The following METTL8 variants were observed in gnomAD, a reference collection of about 807,000 sequenced individuals.
The protein encoded by METTL8 is tRNA N(3)-cytidine methyltransferase METTL8, mitochondrial.
Under a neutral mutation model 48.7 loss-of-function variants are expected in METTL8, and 32 were observed. That is an observed-to-expected ratio of 0.66 (90% CI 0.50 to 0.88). The LOEUF is 0.88. Among genes scored for constraint, METTL8 ranks in the 40% least tolerant of loss-of-function variants. The pLI is 0.00. For missense variants in METTL8, 464 were observed against 474.4 expected (o/e 0.98, Z 0.20); for synonymous variants, 136 against 157.1 (o/e 0.87, Z 1.01).
chr2:171,401,563 T>C (rs1689642712), intron 1 of METTL8, among the ~76,000 whole-genome samples: 1 of 152,132 alleles, frequency 6.6e-6, no homozygotes, highest in Non-Finnish European at 1.5e-5. Flanking sequence ...GGCTACATGA[T>C]ACACTCACTC....
chr2:171,419,571 C>T (rs1414710926), intron 1 of METTL8, among the ~76,000 whole-genome samples: 2 of 152,166 alleles, frequency 1.3e-5, no homozygotes, highest in Non-Finnish European at 2.9e-5. Context: ...TTATCAACTG[C>T]AGTATAGTGC....
chr2:171,387,031 G>A (rs1688121985), intron 2 of METTL8, among the ~76,000 whole-genome samples: 1 of 152,114 alleles, frequency 6.6e-6, no homozygotes, highest in Admixed American at 6.5e-5. Context: ...TCTGCTGAGA[G>A]CTACTTCCAC....
At chr2:171,352,435 T>C (rs901428476) in intron 3 of METTL8, among the ~76,000 whole-genome samples, 11 of 152,180 alleles carry the variant, frequency 7.2e-5, no homozygotes, top group African/African-American at 2.4e-4. Flanking sequence ...TTCTCTTTTT[T>C]TGTTGTGTCT....
Position 171,316,255 on chromosome 2 carries a change from C to A in METTL8, c.*7917G>T, listed in dbSNP as rs921136095. 6.6e-6 allele frequency among the ~76,000 whole-genome samples: 1 copy of A among 152,202 alleles called. No homozygotes were observed. Among genetic ancestry groups the A allele is most frequent in the Admixed American group, 6.5e-5 (1 of 15,282 alleles). On this transcript the variant is annotated 3_prime_UTR_variant, in exon 10 of 10. Transcript: ENST00000375258. ...CTCATGCCGGCATGGGGCTGCCGGG[C>A]ACCCAGCTCCTTTCCTGTGGGTAGA... is the stretch of plus-strand genomic sequence containing the variant.
chr2:171,417,623 C>A lies in METTL8; in HGVS notation c.-13+16260G>T, dbSNP rs114036238. Among the ~76,000 whole-genome samples, 548 of 152,294 alleles carry A rather than the reference C, an allele frequency of 3.6e-3. 1 individual carries two copies. Among genetic ancestry groups the A allele is most frequent in the Non-Finnish European group, 5.8e-3 (394 of 68,020 alleles). ...AGGCTGAGATCTGAACCCAGGCAGG[C>A]TGGTACGTGAGTTCATCTTCTTAAT... On this transcript the variant is annotated intron_variant, in intron 1 of 9. Coordinates refer to ENST00000375258, the MANE Select transcript of METTL8 (RefSeq NM_001321154.2).
intron 2 of METTL8, among the ~76,000 whole-genome samples, chr2:171,361,604 T>C (rs1685177820): frequency 1.3e-5 from 2 of 152,192 alleles, no homozygotes; most frequent in Non-Finnish European, 2.9e-5. Flanking sequence ...TTTAATCCTT[T>C]CAAAAATCCT....
chr2:171,409,697 G>A (rs1212633112), intron 1 of METTL8, among the ~76,000 whole-genome samples: 3 of 152,158 alleles, frequency 2.0e-5, no homozygotes, highest in Non-Finnish European at 4.4e-5. Context: ...GGGTGGAGGT[G>A]GTCAGGGACG....
intron 5 of METTL8, among the ~76,000 whole-genome samples, chr2:171,336,863 CTTTTTTTTTTTT>C: frequency 2.3e-5 from 2 of 88,116 alleles, no homozygotes; most frequent in Admixed American, 2.7e-4. Flanking sequence ...ATCACTTCCT[CTTTTTTTTTTTT>C]TTTTTTTTTT....
At chr2:171,379,864 T>C (rs187956525) in intron 2 of METTL8, among the ~76,000 whole-genome samples, 1 of 152,132 alleles carries the variant, frequency 6.6e-6, no homozygotes, top group Non-Finnish European at 1.5e-5. Context: ...TTACAAACAA[T>C]TGAAAAGGAG....
chr2:171,324,151 T>C lies in METTL8; in HGVS notation c.*21A>G. ...TGAATAGCACAGTCCTCTGGCTTTGTACCTTAACATGTTACAAAGTTCAGT... is the reference window on the plus strand; with the variant it reads ...TGAATAGCACAGTCCTCTGGCTTTGCACCTTAACATGTTACAAAGTTCAGT... On this transcript the variant is annotated 3_prime_UTR_variant, in exon 10 of 10. Transcript: ENST00000375258. 4.6e-6 allele frequency: 7 copies of C among 1,517,692 alleles called. No homozygotes were observed. The highest frequency in any genetic ancestry group is 6.2e-6 in the Non-Finnish European group (7 of 1,120,850). 94.0% of individuals were successfully genotyped at this position (1,517,692 alleles called of 1,614,324 possible).
intron 3 of METTL8, among the ~76,000 whole-genome samples, chr2:171,341,647 T>A (rs1686783585): frequency 6.6e-6 from 1 of 152,118 alleles, no homozygotes; most frequent in South Asian, 2.1e-4. Context: ...GCATTAGGAA[T>A]TACTTTAACC....
intron 1 of METTL8, among the ~76,000 whole-genome samples, chr2:171,429,401 C>T (rs1692749580): frequency 6.6e-6 from 1 of 152,152 alleles, no homozygotes; most frequent in East Asian, 1.9e-4. Context: ...GTGAAGGCAT[C>T]AAGTAATCTC....
chr2:171,325,245 G>A (rs1267492002), intron 9 of METTL8, among the ~76,000 whole-genome samples: 2 of 151,826 alleles, frequency 1.3e-5, no homozygotes, highest in African/African-American at 4.8e-5. Context: ...GAGCACAGTG[G>A]TCCAATCATA....
intron 1 of METTL8, among the ~76,000 whole-genome samples, chr2:171,416,074 C>T (rs1691287419): frequency 6.6e-6 from 1 of 152,224 alleles, no homozygotes; most frequent in South Asian, 2.1e-4. Flanking sequence ...CAGGCACTTG[C>T]TACACTGTTG....
At chr2:171,347,323 T>G (rs1364102451) in intron 3 of METTL8, among the ~76,000 whole-genome samples, 1 of 152,194 alleles carries the variant, frequency 6.6e-6, no homozygotes, top group East Asian at 1.9e-4. Flanking sequence ...CACCTTTCTA[T>G]TTCAGTCACA....
At chr2:171,373,583 A>G (rs1686609817) in intron 2 of METTL8, among the ~76,000 whole-genome samples, 1 of 152,178 alleles carries the variant, frequency 6.6e-6, no homozygotes, top group African/African-American at 2.4e-5. Context: ...GGTATTGCCT[A>G]GGTATTCTTC....
chr2:171,396,672 T>C (rs1481356123), intron 1 of METTL8, among the ~76,000 whole-genome samples: 4 of 152,116 alleles, frequency 2.6e-5, no homozygotes, highest in African/African-American at 9.7e-5. Context: ...AAATAACCTA[T>C]GAGTAAAAGA....
intron 5 of METTL8, among the ~76,000 whole-genome samples, chr2:171,333,786 T>C (rs1472360361): frequency 6.6e-6 from 1 of 152,180 alleles, no homozygotes; most frequent in Non-Finnish European, 1.5e-5. Context: ...AAGGTTTGAG[T>C]CTCAGCTTTA....
At chr2:171,423,084 G>A (rs2105661142) in intron 1 of METTL8, among the ~76,000 whole-genome samples, 1 of 152,260 alleles carries the variant, frequency 6.6e-6, no homozygotes, top group South Asian at 2.1e-4. Flanking sequence ...GGGTTTATAA[G>A]GGGCTTCTCC....
Sources: gnomAD v4.1 joint callset for allele counts (sites outside exome capture counted in the v4.1 genomes callset) on GRCh38, gnomAD v4.1.1 for gene constraint, MANE v1.5 for transcripts, NCBI Gene and HGNC (gene_info 2026-07-23, HGNC 2026-07-21) for gene names.